The following SLC2A13 variants were observed in gnomAD, a reference collection of about 807,000 sequenced individuals.
The protein encoded by SLC2A13 is solute carrier family 2 member 13, also known as proton myo-inositol cotransporter.
Under a neutral mutation model 64.4 loss-of-function variants are expected in SLC2A13, and 32 were observed. That is an observed-to-expected ratio of 0.50 (90% confidence interval 0.37 to 0.67). The LOEUF (loss-of-function observed/expected upper bound fraction) is 0.67. Ranked by LOEUF, SLC2A13 falls within the 30% of genes least tolerant of loss-of-function variation. SLC2A13 has a pLI of 0.00. For synonymous variants in SLC2A13, 338 were observed against 327.1 expected, an observed-to-expected ratio of 1.03 and a Z score of -0.36; for missense variants, 743 against 829.2, an observed-to-expected ratio of 0.90 and a Z score of 1.28.
chr12:39,920,807 C>T (rs1945602638), intron 4 of SLC2A13, among the ~76,000 whole-genome samples: 1 of 152,006 alleles, frequency 6.6e-6, no homozygotes, highest in Non-Finnish European at 1.5e-5. Flanking sequence ...CATGCACATA[C>T]CCACACACAC....
chr12:39,867,695 C>T (rs964806257), intron 5 of SLC2A13, among the ~76,000 whole-genome samples: 2 of 152,048 alleles, frequency 1.3e-5, no homozygotes, highest in African/African-American at 4.8e-5. Flanking sequence ...TATTTTGGCC[C>T]ATTTTGGAGG....
chr12:39,981,255 A>G (rs1184965948), intron 3 of SLC2A13, among the ~76,000 whole-genome samples: 4 of 150,852 alleles, frequency 2.7e-5, no homozygotes, highest in African/African-American at 4.9e-5. Context: ...TAACATCACA[A>G]TGAAAAGAAC....
intron 7 of SLC2A13, among the ~76,000 whole-genome samples, chr12:39,823,295 A>G (rs2135832117): frequency 6.6e-6 from 1 of 152,370 alleles, no homozygotes; most frequent in South Asian, 2.1e-4. Context: ...ATTTAGGAAC[A>G]CAGCTGGAGG....
intron 6 of SLC2A13, among the ~76,000 whole-genome samples, chr12:39,837,633 C>T (rs900489589): frequency 4.7e-5 from 7 of 149,644 alleles, no homozygotes; most frequent in African/African-American, 1.7e-4. Context: ...TGAACTCCAA[C>T]AAATTTACAA....
At chr12:39,910,332 C>T (rs1381872230) in intron 4 of SLC2A13, among the ~76,000 whole-genome samples, 2 of 152,128 alleles carry the variant, frequency 1.3e-5, no homozygotes, top group Non-Finnish European at 2.9e-5. Flanking sequence ...AGATGATAAA[C>T]TATGCATTGA....
chr12:39,977,064 G>C (rs760262570), intron 3 of SLC2A13, among the ~76,000 whole-genome samples: 1 of 152,170 alleles, frequency 6.6e-6, no homozygotes, highest in Non-Finnish European at 1.5e-5. Context: ...CATAGAGTTT[G>C]ACATCTATGG....
chr12:39,877,034 T>C (rs1013692407), intron 4 of SLC2A13, among the ~76,000 whole-genome samples: 1 of 152,190 alleles, frequency 6.6e-6, no homozygotes, highest in Non-Finnish European at 1.5e-5. Flanking sequence ...TATGCCAAAG[T>C]ACATTGACTA....
intron 1 of SLC2A13, among the ~76,000 whole-genome samples, chr12:40,071,382 T>C (rs1937949000): frequency 6.6e-6 from 1 of 152,188 alleles, no homozygotes; most frequent in South Asian, 2.1e-4. Context: ...CAAATCCCAA[T>C]TCATAATGGT....
intron 3 of SLC2A13, among the ~76,000 whole-genome samples, chr12:40,010,709 G>T (rs1019949291): frequency 6.6e-6 from 1 of 152,024 alleles, no homozygotes; most frequent in Non-Finnish European, 1.5e-5. Context: ...CACTGAAATT[G>T]CTCTCCTTTT....
intron 7 of SLC2A13, among the ~76,000 whole-genome samples, chr12:39,804,892 C>A (rs2135792432): frequency 6.6e-6 from 1 of 150,756 alleles, no homozygotes; most frequent in South Asian, 2.1e-4. Flanking sequence ...ACTGTTTTGA[C>A]AGGGCTCTCA....
rs1033337059 is a variant in SLC2A13, at chr12:39,784,727, G to A, written c.1446-19869C>T. Reference sequence around the variant, plus strand: ...AACAAAAGCCAAAACTGACAAACGGGATCTAATTAAACTAAAGAGCTTCTG... The same window carrying A: ...AACAAAAGCCAAAACTGACAAACGGAATCTAATTAAACTAAAGAGCTTCTG... On this transcript the variant is annotated intron_variant, in intron 7 of 9. Coordinates refer to ENST00000280871, the MANE Select transcript of SLC2A13 (RefSeq NM_052885.4). Among the ~76,000 whole-genome samples, 9 of 152,122 alleles carry A rather than the reference G, an allele frequency of 5.9e-5. No homozygotes were observed. In the East Asian group the frequency reaches 1.7e-3, roughly 29 times the overall value.
At chr12:40,057,704 T>C (rs1157274545) in intron 1 of SLC2A13, among the ~76,000 whole-genome samples, 1 of 152,214 alleles carries the variant, frequency 6.6e-6, no homozygotes, top group East Asian at 1.9e-4. Context: ...GGTCTTTTTC[T>C]GTTCTAGCAT....
chr12:39,902,662 C>T (rs867622549), intron 4 of SLC2A13, among the ~76,000 whole-genome samples: 12 of 151,908 alleles, frequency 7.9e-5, no homozygotes, highest in South Asian at 4.1e-4. Context: ...TAAAGGCTAA[C>T]TTTTTCTTTT....
At chr12:39,861,116 T>C (rs145145140) in intron 6 of SLC2A13, among the ~76,000 whole-genome samples, 221 of 152,354 alleles carry the variant, frequency 1.5e-3, no homozygotes, top group African/African-American at 5.1e-3. Context: ...GTACCTGCCA[T>C]TCTTTCTGTG....
At chr12:40,075,197 A>C (rs1380302354) in intron 1 of SLC2A13, among the ~76,000 whole-genome samples, 2 of 152,194 alleles carry the variant, frequency 1.3e-5, no homozygotes, top group Non-Finnish European at 2.9e-5. Context: ...TGAAATTCAT[A>C]AGAGTGGAAG....
chr12:40,098,317 G>A (rs1236974908), intron 1 of SLC2A13, among the ~76,000 whole-genome samples: 19 of 152,182 alleles, frequency 1.2e-4, no homozygotes, highest in Non-Finnish European at 2.6e-4. Context: ...AGGTAGAAAG[G>A]TGGGTTGCCA....
chr12:40,104,183 G>A (rs1939229052), intron 1 of SLC2A13, among the ~76,000 whole-genome samples: 1 of 152,132 alleles, frequency 6.6e-6, no homozygotes, highest in African/African-American at 2.4e-5. Flanking sequence ...TACTTCAACA[G>A]CACCCTAAGG....
intron 3 of SLC2A13, among the ~76,000 whole-genome samples, chr12:39,963,264 G>A (rs1228740346): frequency 1.4e-5 from 2 of 139,696 alleles, no homozygotes; most frequent in African/African-American, 5.3e-5. Flanking sequence ...TCCAGCCTGG[G>A]CGACAGAGCG....
At chr12:39,887,184 TAA>T (rs773237071) in intron 4 of SLC2A13, among the ~76,000 whole-genome samples, 10 of 152,240 alleles carry the variant, frequency 6.6e-5, no homozygotes, top group Non-Finnish European at 1.2e-4. Context: ...TCATTTTTGA[TAA>T]AGTCTTTTGT....
Sources: allele counts gnomAD v4.1 joint callset (sites outside exome capture counted in the v4.1 genomes callset), GRCh38; gene constraint gnomAD v4.1.1; transcripts MANE v1.5; gene names NCBI Gene and HGNC (gene_info 2026-07-23, HGNC 2026-07-21).